The following CRACDL variants were observed in gnomAD, a reference collection of about 807,000 sequenced individuals.
CRACDL encodes the protein CRACD like.
A neutral mutation model predicts 70.6 loss-of-function variants in CRACDL; 26 were observed. That is an observed-to-expected ratio of 0.37 (90% CI 0.27 to 0.51). The LOEUF (loss-of-function observed/expected upper bound fraction) is 0.51. Among genes scored for constraint, CRACDL ranks in the 20% least tolerant of loss-of-function variants. The pLI is 0.94. For synonymous variants in CRACDL, 618 were observed against 615.2 expected, an observed-to-expected ratio of 1.00 and a Z score of -0.07; for missense variants, 1,283 against 1,376.9, an observed-to-expected ratio of 0.93 and a Z score of 1.08.
chr2:98,810,093 C>T (rs1039552896), intron 7 of CRACDL, among the ~76,000 whole-genome samples: 21 of 152,150 alleles, frequency 1.4e-4, no homozygotes, highest in Admixed American at 1.4e-3. Context: ...CCAAGGATCA[C>T]CCACTGCAGG....
intron 1 of CRACDL, among the ~76,000 whole-genome samples, chr2:98,871,079 CAT>C (rs1476944207): frequency 1.3e-5 from 2 of 152,372 alleles, no homozygotes; most frequent in East Asian, 1.9e-4. Flanking sequence ...ACGGTGCACA[CAT>C]GTTACCTCTC....
At chr2:98,829,893 G>A (rs1705465943) in intron 5 of CRACDL, among the ~76,000 whole-genome samples, 1 of 152,212 alleles carries the variant, frequency 6.6e-6, no homozygotes, top group African/African-American at 2.4e-5. Flanking sequence ...AAGGAGAGGT[G>A]CTGATCTACC....
At chr2:98,817,423 C>T (rs1160442371) in intron 7 of CRACDL, among the ~76,000 whole-genome samples, 1 of 151,938 alleles carries the variant, frequency 6.6e-6, no homozygotes, top group Non-Finnish European at 1.5e-5. Flanking sequence ...TAGCATGATG[C>T]CAATAAAACC....
intron 1 of CRACDL, among the ~76,000 whole-genome samples, chr2:98,926,123 C>A (rs559882273): frequency 6.6e-6 from 1 of 152,108 alleles, no homozygotes; most frequent in African/African-American, 2.4e-5. Context: ...TCAACACTTA[C>A]CCCTCAAAAT....
At chr2:98,935,732 C>T (rs922480344) in intron 1 of CRACDL, among the ~76,000 whole-genome samples, 1 of 152,310 alleles carries the variant, frequency 6.6e-6, no homozygotes, top group Non-Finnish European at 1.5e-5. Context: ...ACGAGCGCGT[C>T]CGGCTCCCCC....
At position 98,794,683 on chromosome 2, in the gene CRACDL, G is replaced by C. The variant is rs866676355; in HGVS notation, c.2750-12C>G. On this transcript the variant is annotated splice_polypyrimidine_tract_variant and intron_variant, in intron 9 of 9. Coordinates refer to ENST00000397899, the MANE Select transcript of CRACDL (RefSeq NM_207362.3). ...CACTGCAGACTGAGCTGCTTGGAAG[G>C]GAGACAAAACCAACAGAAACATGAG... is the stretch of plus-strand genomic sequence containing the variant. The C allele has an allele frequency of 6.2e-7, 1 of 1,600,222 alleles. No individual in the cohort carries two copies. Among genetic ancestry groups the C allele is most frequent in the South Asian group, 1.1e-5 (1 of 89,418 alleles).
intron 1 of CRACDL, among the ~76,000 whole-genome samples, chr2:98,912,530 T>C (rs150181154): frequency 4.6e-5 from 7 of 152,340 alleles, no homozygotes; most frequent in Admixed American, 1.3e-4. Flanking sequence ...TCATCTATGA[T>C]CGGGCTTGTG....
At chr2:98,911,082 G>A (rs1366775114) in intron 1 of CRACDL, among the ~76,000 whole-genome samples, 1 of 152,192 alleles carries the variant, frequency 6.6e-6, no homozygotes, top group Non-Finnish European at 1.5e-5. Context: ...GCAGGCACCT[G>A]GGTGAGGTGC....
chr2:98,796,693 G>A (rs1703836611), intron 8 of CRACDL, among the ~76,000 whole-genome samples: 1 of 152,180 alleles, frequency 6.6e-6, no homozygotes, highest in Non-Finnish European at 1.5e-5. Flanking sequence ...TTAAAACGAG[G>A]GGAAGCAGGT....
At chr2:98,914,111 C>T (rs1312309283) in intron 1 of CRACDL, among the ~76,000 whole-genome samples, 1 of 152,236 alleles carries the variant, frequency 6.6e-6, no homozygotes, top group Admixed American at 6.5e-5. Context: ...CCTGCCCATG[C>T]CCCTCTCATG....
chr2:98,921,946 T>C (rs1386945650), intron 1 of CRACDL, among the ~76,000 whole-genome samples: 1 of 152,214 alleles, frequency 6.6e-6, no homozygotes, highest in Admixed American at 6.5e-5. Flanking sequence ...CACCCTCCTA[T>C]GCCCCTTGCT....
At chr2:98,873,096 C>T (rs1707392824) in intron 1 of CRACDL, among the ~76,000 whole-genome samples, 1 of 152,132 alleles carries the variant, frequency 6.6e-6, no homozygotes, top group African/African-American at 2.4e-5. Flanking sequence ...ACTTGGAAAC[C>T]TCATACCTCA....
At chr2:98,818,537 T>A (rs1268918941) in intron 7 of CRACDL, among the ~76,000 whole-genome samples, 2 of 152,184 alleles carry the variant, frequency 1.3e-5, no homozygotes, top group South Asian at 4.1e-4. Flanking sequence ...TGGCAGACTA[T>A]CTGGGAGCTC....
Position 98,898,564 on chromosome 2 carries a change from C to T in CRACDL, c.-11+37374G>A, listed in dbSNP as rs141888591. On this transcript the variant is annotated intron_variant, in intron 1 of 9. Coordinates refer to ENST00000397899, the MANE Select transcript of CRACDL (RefSeq NM_207362.3). ...CATGCACCAGAGTCAGATGGGCTTG[C>T]GGGAGCTGAGTCTGACCTCCTTGGC... Among the ~76,000 whole-genome samples the T allele has an allele frequency of 1.2e-4, 19 of 152,334 alleles. No individual in the cohort carries two copies. The East Asian group carries it at 3.5e-3, about 28-fold the overall frequency.
At chr2:98,795,372 G>A (rs925699757) in intron 9 of CRACDL, among the ~76,000 whole-genome samples, 7 of 151,810 alleles carry the variant, frequency 4.6e-5, no homozygotes, top group Non-Finnish European at 8.8e-5. Flanking sequence ...CATGGCGTCC[G>A]GCCTAAAAAT....
At chr2:98,836,811 C>T (rs535549718) in intron 3 of CRACDL, among the ~76,000 whole-genome samples, 201 of 152,278 alleles carry the variant, frequency 1.3e-3, no homozygotes, top group Non-Finnish European at 2.6e-3. Flanking sequence ...CGCCGGGCGC[C>T]GTGGATCACG....
chr2:98,925,014 G>A (rs972847972), intron 1 of CRACDL, among the ~76,000 whole-genome samples: 2 of 152,210 alleles, frequency 1.3e-5, no homozygotes, highest in African/African-American at 2.4e-5. Flanking sequence ...TAAATAGCAC[G>A]GGGCCCCACC....
intron 1 of CRACDL, among the ~76,000 whole-genome samples, chr2:98,911,819 C>T (rs1037286022): frequency 6.6e-6 from 1 of 152,068 alleles, no homozygotes; most frequent in Non-Finnish European, 1.5e-5. Flanking sequence ...ATTAAACCCA[C>T]GGAAACCCCA....
At chr2:98,813,663 T>C (rs966635426) in intron 7 of CRACDL, among the ~76,000 whole-genome samples, 1 of 152,204 alleles carries the variant, frequency 6.6e-6, no homozygotes, top group Non-Finnish European at 1.5e-5. Flanking sequence ...CTGAATTTAG[T>C]ATAGTATACA....
Sources: allele counts gnomAD v4.1 joint callset (sites outside exome capture counted in the v4.1 genomes callset), GRCh38; gene constraint gnomAD v4.1.1; transcripts MANE v1.5; gene names NCBI Gene and HGNC (gene_info 2026-07-23, HGNC 2026-07-21).